PIWIL2: variants seen among roughly 807,000 people sequenced by gnomAD.
PIWIL2 encodes piwi like RNA-mediated gene silencing 2, also known as piwi-like protein 2.
PIWIL2 carries 81 observed loss-of-function variants against 116.5 expected under a neutral mutation model. That is an observed-to-expected ratio of 0.70 (90% CI 0.58 to 0.84). PIWIL2 has a LOEUF of 0.84. Ranked by LOEUF, PIWIL2 falls within the 40% of genes least tolerant of loss-of-function variation. The pLI is 0.00. For missense variants in PIWIL2, 1,272 were observed against 1,212.3 expected, an observed-to-expected ratio of 1.05 and a Z score of -0.73; for synonymous variants, 489 against 429.5, an observed-to-expected ratio of 1.14 and a Z score of -1.71.
intron 20 of PIWIL2, among the ~76,000 whole-genome samples, chr8:22,323,527 G>A (rs958007161): frequency 1.3e-5 from 2 of 152,138 alleles, no homozygotes; most frequent in African/African-American, 4.8e-5. Flanking sequence ...ACAGTGCCCA[G>A]CCCAGTCATT....
At chr8:22,283,864 T>G (rs570489318) in intron 5 of PIWIL2, among the ~76,000 whole-genome samples, 13 of 152,356 alleles carry the variant, frequency 8.5e-5, no homozygotes, top group Admixed American at 5.9e-4. Context: ...ATCGTGACGC[T>G]TCATCTTTCT....
chr8:22,276,625 T>G lies in PIWIL2; in HGVS notation c.-47+1227T>G, dbSNP rs1586523607. On this transcript the variant is annotated intron_variant, in intron 1 of 22. Transcript: ENST00000356766. ...CACCACCCCCGGCCAAGACAGCTTT[T>G]TGAAAGTTAAGAAGAGGCTTCTCCC... Among the ~76,000 whole-genome samples the G allele has an allele frequency of 2.6e-5, 4 of 152,248 alleles. No homozygotes were observed. The East Asian group carries it at 7.7e-4, about 29-fold the overall frequency.
intron 5 of PIWIL2, 91 bp downstream of exon 5, chr8:22,283,331 T>C: frequency 1.0e-6 from 1 of 989,348 alleles, no homozygotes; most frequent in Non-Finnish European, 1.6e-6. Flanking sequence ...TCTGTTTGTG[T>C]TGGGTCCTCC....
chr8:22,354,079 T>TA (rs1403947113), intron 21 of PIWIL2, among the ~76,000 whole-genome samples, 192 bp from the exon 22 acceptor site: 3 of 152,104 alleles, frequency 2.0e-5, no homozygotes, highest in Non-Finnish European at 4.4e-5. Context: ...CCCAGCCTGT[T>TA]ACCACCATTC....
At chr8:22,279,311 G>A in intron 1 of PIWIL2, 30 bp from the exon 2 acceptor site, 1 of 1,167,010 alleles carries the variant, frequency 8.6e-7, no homozygotes, top group Admixed American at 1.7e-5. Flanking sequence ...AAAACAATTG[G>A]GAATCTTAAT....
At chr8:22,335,543 C>CTT (rs59166171) in intron 20 of PIWIL2, among the ~76,000 whole-genome samples, 128 of 92,198 alleles carry the variant, frequency 1.4e-3, no homozygotes, top group African/African-American at 2.3e-3. Context: ...ACAAAATAGA[C>CTT]TTTTTTTTTT....
chr8:22,301,330 G>T (rs188187712), intron 10 of PIWIL2, among the ~76,000 whole-genome samples: 263 of 151,750 alleles, frequency 1.7e-3, no homozygotes, highest in African/African-American at 6.1e-3. Flanking sequence ...ACAGCGTATC[G>T]CTCTTTCACC....
At chr8:22,276,507 G>C (rs1307479117) in intron 1 of PIWIL2, among the ~76,000 whole-genome samples, 1 of 152,110 alleles carries the variant, frequency 6.6e-6, no homozygotes, top group African/African-American at 2.4e-5. Context: ...GTAGAGATGA[G>C]GGTTCACCAT....
At position 22,314,388 on chromosome 8, in the gene PIWIL2, A is replaced by G. The variant is rs1831403563; in HGVS notation, c.2050A>G (p.Ile684Val). 6.3e-7 allele frequency: 1 copy of G among 1,587,652 alleles called. No individual in the cohort carries two copies. Among genetic ancestry groups the G allele is most frequent in the Non-Finnish European group, 8.6e-7 (1 of 1,165,574 alleles). ...MGPRDDLYGA[I>V]KKLCCVQSPV... The stretch of plus-strand genomic sequence containing the variant: ...CCCACGTGATGATCTCTATGGGGCC[A>G]TCAAGAAGCTGTGCTGTGTGCAGTC... The change falls in exon 17 of 23, where the codon ATC becomes GTC. Residue 684 changes from isoleucine (I) to valine (V), a missense_variant. Coordinates refer to ENST00000356766, the MANE Select transcript of PIWIL2 (RefSeq NM_018068.5).
In PIWIL2 at chr8:22,318,283, G is replaced by C. The variant is rs376548722; in HGVS notation, c.2403+8G>C. Reference sequence around the variant, plus strand: ...TTAAAAAAGTTTTATGAGGTGAGGAGAACAGAAATTCTCAGGCTTCTGGGG... The same window carrying C: ...TTAAAAAAGTTTTATGAGGTGAGGACAACAGAAATTCTCAGGCTTCTGGGG... On this transcript the variant is annotated splice_region_variant and intron_variant, in intron 20 of 22. Coordinates refer to ENST00000356766, the MANE Select transcript of PIWIL2 (RefSeq NM_018068.5). 5 of 1,430,346 alleles carry C rather than the reference G, an allele frequency of 3.5e-6. No individual in the cohort carries two copies. The highest frequency in any genetic ancestry group is 3.9e-6 in the Non-Finnish European group (4 of 1,025,096). 88.6% of individuals were successfully genotyped at this position (1,430,346 alleles called of 1,614,324 possible).
At chr8:22,327,029 T>C (rs2132073149) in intron 20 of PIWIL2, among the ~76,000 whole-genome samples, 1 of 144,044 alleles carries the variant, frequency 6.9e-6, no homozygotes. Context: ...TTTTACTTTT[T>C]TTTTTTTTTT....
chr8:22,345,765 A>G (rs939169970), intron 20 of PIWIL2, among the ~76,000 whole-genome samples: 3 of 152,246 alleles, frequency 2.0e-5, no homozygotes, highest in Admixed American at 2.0e-4. Context: ...CTATTCTGCA[A>G]TAAGGAACGA....
intron 20 of PIWIL2, among the ~76,000 whole-genome samples, chr8:22,327,523 A>G (rs555233954): frequency 4.1e-5 from 6 of 146,162 alleles, no homozygotes; most frequent in African/African-American, 1.5e-4. Flanking sequence ...ATGCACCACC[A>G]CGCCCAGCTA....
At chr8:22,287,233 C>T (rs1036339883) in intron 6 of PIWIL2, among the ~76,000 whole-genome samples, 4 of 152,090 alleles carry the variant, frequency 2.6e-5, no homozygotes, top group Non-Finnish European at 4.4e-5. Flanking sequence ...GGCGGCAGAG[C>T]GAGACTCCGT....
intron 13 of PIWIL2, among the ~76,000 whole-genome samples, chr8:22,307,637 C>T (rs1024656073): frequency 6.6e-6 from 1 of 151,902 alleles, no homozygotes; most frequent in Non-Finnish European, 1.5e-5. Flanking sequence ...GCACGCACCA[C>T]CATACCTGGC....
chr8:22,349,172 A>C (rs1563432362), intron 20 of PIWIL2, among the ~76,000 whole-genome samples: 1 of 147,168 alleles, frequency 6.8e-6, no homozygotes, highest in Non-Finnish European at 1.5e-5. Context: ...GGCCTGGCTT[A>C]TTTTTTGTAT....
At position 22,311,175 on chromosome 8, in the gene PIWIL2, G is replaced by C; in HGVS notation, c.1864G>C (p.Val622Leu). ...AGCAATGGACCAGGCTCGAGAACTG[G>C]TCAACATGTTGGAGAAGATAGCCGG... ...KRAMDQAREL[V>L]NMLEKIAGPI... The change falls in exon 16 of 23, where the codon GTC becomes CTC. Residue 622 changes from valine to leucine, a missense_variant. Coordinates refer to ENST00000356766, the MANE Select transcript of PIWIL2 (RefSeq NM_018068.5). The C allele has an allele frequency of 1.2e-6, 2 of 1,614,160 alleles. No individual in the cohort carries two copies. The highest frequency in any genetic ancestry group is 1.7e-6 in the Non-Finnish European group (2 of 1,180,024).
chr8:22,302,935 G>C (rs1398098495), intron 10 of PIWIL2, among the ~76,000 whole-genome samples: 1 of 152,146 alleles, frequency 6.6e-6, no homozygotes, highest in East Asian at 1.9e-4. Context: ...AACAAATCTA[G>C]GCTAACAGAA....
At chr8:22,313,730 T>C (rs1017876338) in intron 16 of PIWIL2, among the ~76,000 whole-genome samples, 1 of 152,208 alleles carries the variant, frequency 6.6e-6, no homozygotes, top group African/African-American at 2.4e-5. Context: ...AGGTCCTCTT[T>C]TTTCAATATT....
Sources: allele counts gnomAD v4.1 joint callset (sites outside exome capture counted in the v4.1 genomes callset), GRCh38; gene constraint gnomAD v4.1.1; transcripts MANE v1.5; gene names NCBI Gene and HGNC (gene_info 2026-07-23, HGNC 2026-07-21).